ABI3: variants seen among roughly 807,000 people sequenced by gnomAD.
ABI3 encodes ABI family member 3, also known as ABI gene family member 3.
ABI3 carries 24 observed loss-of-function variants against 37.0 expected under a neutral mutation model. The observed-to-expected ratio is 0.65, with a 90% CI of 0.47 to 0.91. ABI3 has a LOEUF of 0.91. ABI3 is among the 40% of genes least tolerant of loss of function. The probability of loss-of-function intolerance (pLI) is 0.00; values close to 1 mark genes in which losing one functional copy is unlikely to be tolerated. For missense variants in ABI3, 481 were observed against 485.1 expected, an observed-to-expected ratio of 0.99 and a Z score of 0.08; for synonymous variants, 220 against 211.8, an observed-to-expected ratio of 1.04 and a Z score of -0.34.
chr17:49,222,739 T>C lies in ABI3; in HGVS notation c.*24T>C. ...GACAGCCCAGGGCTCTCTGGGCAGC[T>C]GATGTCTGCACTGAGTGGGTTTCAT... is the stretch of plus-strand genomic sequence containing the variant. On this transcript the variant is annotated 3_prime_UTR_variant, in exon 8 of 8. Coordinates refer to ENST00000225941, the MANE Select transcript of ABI3 (RefSeq NM_016428.3). 1 of 1,545,672 alleles carries C rather than the reference T, an allele frequency of 6.5e-7. No individual in the cohort carries two copies. The highest frequency in any genetic ancestry group is 8.7e-7 in the Non-Finnish European group (1 of 1,146,812).
At position 49,223,093 on chromosome 17, in the gene ABI3, C is replaced by T; in HGVS notation, c.*378C>T. 2.4e-6 allele frequency: 1 copy of T among 414,570 alleles called. No individual in the cohort carries two copies. Among genetic ancestry groups the T allele is most frequent in the Non-Finnish European group, 4.2e-6 (1 of 235,426 alleles). The allele number at this position is 414,570 out of a possible 1,614,324, so 25.7% of individuals were successfully genotyped here. A position where few individuals can be genotyped will look rare whatever the true frequency, so the allele number is the denominator to read the frequency against. ...TCTAAGGCTGCTGCTAATTACAGCC[C>T]CCAACCTCCAACCCACCAGCTGACC... is the stretch of plus-strand genomic sequence containing the variant. On this transcript the variant is annotated 3_prime_UTR_variant, in exon 8 of 8. Transcript: ENST00000225941.
rs954970626 is a variant in ABI3, at chr17:49,222,816, C to A, written c.*101C>A. On this transcript the variant is annotated 3_prime_UTR_variant, in exon 8 of 8. Coordinates refer to ENST00000225941, the MANE Select transcript of ABI3 (RefSeq NM_016428.3). The stretch of plus-strand genomic sequence containing the variant: ...TCACAGCTGGACTGGGTCTGCCCAC[C>A]TCTTGGGCTGTGAGCTGTGTTCTGT... 114 of 1,315,238 alleles carry A rather than the reference C, an allele frequency of 8.7e-5. No homozygotes were observed. The highest frequency in any genetic ancestry group is 1.1e-4 in the Non-Finnish European group (110 of 967,800). 81.5% of individuals were successfully genotyped at this position (1,315,238 alleles called of 1,614,324 possible).
intron 5 of ABI3, 63 bp from the exon 6 acceptor site, chr17:49,220,106 G>A: frequency 1.2e-6 from 2 of 1,606,072 alleles, no homozygotes; most frequent in Non-Finnish European, 1.7e-6. Flanking sequence ...TGGAGGGGTG[G>A]GGCCAGTTGG....
At chr17:49,217,088 A>G (rs1353271743) in intron 2 of ABI3, among the ~76,000 whole-genome samples, 2 of 152,050 alleles carry the variant, frequency 1.3e-5, no homozygotes, top group Admixed American at 6.6e-5. Flanking sequence ...CACAGCCACC[A>G]CTATACAGTA....
chr17:49,217,963 C>G (rs765907193), intron 3 of ABI3, 48 bp downstream of exon 3: 1 of 1,461,190 alleles, frequency 6.8e-7, no homozygotes, highest in Admixed American at 2.8e-5. Context: ...CCTCTCGTGC[C>G]TTGTGGCCCC....
intron 5 of ABI3, 44 bp from the exon 6 acceptor site, chr17:49,220,125 C>T (rs2043266454): frequency 6.2e-7 from 1 of 1,610,368 alleles, no homozygotes; most frequent in South Asian, 1.1e-5. Context: ...GGGGATGCTG[C>T]ATTAGGGAAG....
Position 49,216,587 on chromosome 17 carries a change from G to C in ABI3, c.174G>C (p.Leu58=). ...CCATGGCCTTCACTACCCAGGCACTGGCCAGCGTGGCCTACCAGGTGGGCA... is the reference window on the plus strand; with the variant it reads ...CCATGGCCTTCACTACCCAGGCACTCGCCAGCGTGGCCTACCAGGTGGGCA... The part of the protein sequence containing the change: ...EETMAFTTQA[L]ASVAYQVGNL... Residue 58 remains leucine (L), a synonymous_variant, in exon 2 of 8, where the codon CTG becomes CTC. Transcript: ENST00000225941. 1.9e-6 allele frequency: 3 copies of C among 1,610,598 alleles called. No individual in the cohort carries two copies. The highest frequency in any genetic ancestry group is 2.5e-6 in the Non-Finnish European group (3 of 1,178,736).
rs2043290976 is a variant in ABI3 at position 49,221,728 on chromosome 17, T to C, written c.803-363T>C. The stretch of plus-strand genomic sequence containing the variant: ...GCATGAAATGGGTGCATTCTTTTTT[T>C]CTTTTGAGATGGAGTCTCACTCTGT... On this transcript the variant is annotated intron_variant, in intron 6 of 7. Coordinates refer to ENST00000225941, the MANE Select transcript of ABI3 (RefSeq NM_016428.3). Among the ~76,000 whole-genome samples, 11 of 152,234 alleles carry C rather than the reference T, an allele frequency of 7.2e-5. 1 individual carries two copies. In the South Asian group the frequency reaches 2.3e-3, roughly 32 times the overall value.
In ABI3 at chr17:49,219,668, CG is replaced by C; in HGVS notation, c.548+44del. 2 of 1,534,814 alleles carry C rather than the reference CG, an allele frequency of 1.3e-6. No individual in the cohort carries two copies. Among genetic ancestry groups the C allele is most frequent in the Non-Finnish European group, 1.8e-6 (2 of 1,129,208 alleles). Reference sequence around the variant, plus strand: ...CGCCAACTAGCCTAGCCCTGCCCCGCGCGACCCTGAAACTCTCCTCCCCCAG... The same window carrying C: ...CGCCAACTAGCCTAGCCCTGCCCCGCCGACCCTGAAACTCTCCTCCCCCAG... On this transcript the variant is annotated intron_variant, in intron 4 of 7. Transcript: ENST00000225941. The surrounding 1 kb of genome is among the most constrained non-coding windows in gnomAD (Gnocchi z 4.3).
intron 6 of ABI3, 47 bp from the exon 7 acceptor site, chr17:49,222,041 TGAA>T: frequency 6.5e-7 from 1 of 1,528,000 alleles, no homozygotes; most frequent in Non-Finnish European, 8.8e-7. Flanking sequence ...CCTGACACAC[TGAA>T]GGAGCTTCCT....
chr17:49,221,419 C>A (rs1598246852), intron 6 of ABI3, among the ~76,000 whole-genome samples: 1 of 151,870 alleles, frequency 6.6e-6, no homozygotes, highest in South Asian at 2.1e-4. Context: ...TGCAGTGAGC[C>A]GAGATCGTGC....
Position 49,222,650 on chromosome 17 carries a change from TGCGAGG to T in ABI3, c.1040_1045del (p.Glu347_Gly348del). 6.2e-7 allele frequency: 1 copy of T among 1,612,760 alleles called. No individual in the cohort carries two copies. Among genetic ancestry groups the T allele is most frequent in the Non-Finnish European group, 8.5e-7 (1 of 1,179,510 alleles). On this transcript the variant is annotated inframe_deletion, in exon 8 of 8. Transcript: ENST00000225941. Reference sequence around the variant, plus strand: ...CACTCGCCGCTACTCCGATGGCTGGTGCGAGGGCGTCAGCTCAGAGGGGACTGGATT... The same window carrying T: ...CACTCGCCGCTACTCCGATGGCTGGTGCGTCAGCTCAGAGGGGACTGGATT...
At chr17:49,220,620 G>A (rs1333117489) in intron 6 of ABI3, among the ~76,000 whole-genome samples, 1 of 152,092 alleles carries the variant, frequency 6.6e-6, no homozygotes, top group Non-Finnish European at 1.5e-5. Context: ...CGAGGCGCGC[G>A]GATCACCTGA....
chr17:49,211,991 G>T (rs1289422502), intron 1 of ABI3, among the ~76,000 whole-genome samples: 1 of 151,264 alleles, frequency 6.6e-6, no homozygotes, highest in African/African-American at 2.4e-5. Flanking sequence ...ACCCAGGCTG[G>T]AGTGCTGTGG....
chr17:49,219,619 C>A lies in ABI3; in HGVS notation c.542C>A (p.Thr181Asn), dbSNP rs767190694. Reference protein sequence around the residue: ...IKAPATPASATLGRPPRIPEP... With the variant: ...IKAPATPASANLGRPPRIPEP... ...GCCCCTGCCACACCCGCCTCCGCCA[C>A]CTTGGGGTGAGGCCTCGCCGCGACG... is the stretch of plus-strand genomic sequence containing the variant. The change falls in exon 4 of 8, where the codon ACC (threonine) becomes AAC (asparagine). Residue 181 changes from threonine to asparagine, a missense_variant. By Grantham distance (65) the Thr-to-Asn change is moderately conservative. Transcript: ENST00000225941. This position sits in a 1 kb window ranked among gnomAD's most constrained non-coding sequence, Gnocchi z 4.3. 6.2e-7 allele frequency: 1 copy of A among 1,604,634 alleles called. No individual in the cohort carries two copies.
chr17:49,213,247 G>A (rs1388773705), intron 1 of ABI3, among the ~76,000 whole-genome samples: 1 of 152,198 alleles, frequency 6.6e-6, no homozygotes, highest in African/African-American at 2.4e-5. Flanking sequence ...CAGTTCTAGG[G>A]AGGAGAAGCT....
rs755147514 is a variant in ABI3 at position 49,219,959 on chromosome 17, A to G, written c.644+6A>G. The G allele has an allele frequency of 1.4e-6, 2 of 1,458,924 alleles. No individual in the cohort carries two copies. Among genetic ancestry groups the G allele is most frequent in the South Asian group, 2.4e-5 (2 of 82,648 alleles). 90.4% of individuals were successfully genotyped at this position (1,458,924 alleles called of 1,614,324 possible). A position where few individuals can be genotyped will look rare whatever the true frequency, so the allele number is the denominator to read the frequency against. On this transcript the variant is annotated splice_donor_region_variant and intron_variant, in intron 5 of 7. Coordinates refer to ENST00000225941, the MANE Select transcript of ABI3 (RefSeq NM_016428.3). The surrounding 1 kb of genome is among the most constrained non-coding windows in gnomAD (Gnocchi z 4.3). Reference sequence around the variant, plus strand: ...TTTTCCCTGGCCTCGGCCGGGTGAGACCTACAAGCCCACGTGGGTGGGTGG... The same window carrying G: ...TTTTCCCTGGCCTCGGCCGGGTGAGGCCTACAAGCCCACGTGGGTGGGTGG...
At chr17:49,212,765 T>C (rs1006487966) in intron 1 of ABI3, among the ~76,000 whole-genome samples, 1 of 152,192 alleles carries the variant, frequency 6.6e-6, no homozygotes, top group African/African-American at 2.4e-5. Context: ...CCACTCCCTA[T>C]GCCACTAACT....
chr17:49,222,014 C>T, intron 6 of ABI3, 77 bp from the exon 7 acceptor site: 4 of 1,448,990 alleles, frequency 2.8e-6, no homozygotes, highest in Non-Finnish European at 2.7e-6. Context: ...TTCTGGGGTC[C>T]AGCTCTTGAG....
Sources: allele counts gnomAD v4.1 joint callset (sites outside exome capture counted in the v4.1 genomes callset), GRCh38; gene constraint gnomAD v4.1.1; non-coding constraint Gnocchi (gnomAD v3.1); transcripts MANE v1.5; gene names NCBI Gene and HGNC (gene_info 2026-07-23, HGNC 2026-07-21).